The following ZNF90 variants were observed in gnomAD, a reference collection of about 807,000 sequenced individuals.
ZNF90 encodes the protein zinc finger protein HTF9.
A neutral mutation model predicts 12.0 loss-of-function variants in ZNF90; 11 were observed. That is an observed-to-expected ratio of 0.92 (90% CI 0.58 to 1.52). The LOEUF (loss-of-function observed/expected upper bound fraction) is 1.52. Among genes scored for constraint, ZNF90 ranks in the 40% most tolerant of loss-of-function variants. The pLI, the probability that ZNF90 is intolerant of heterozygous loss-of-function variation, is 0.00. For missense variants in ZNF90, 765 were observed against 711.5 expected (o/e 1.08, Z -0.86); for synonymous variants, 232 against 240.1 (o/e 0.97, Z 0.31).
At chr19:20,108,443 G>A (rs1342862648) in intron 3 of ZNF90, among the ~76,000 whole-genome samples, 2 of 152,118 alleles carry the variant, frequency 1.3e-5, no homozygotes, top group African/African-American at 4.8e-5. Context: ...CCAAATAGCT[G>A]TTATTACAGG....
Position 20,116,850 on chromosome 19 carries a change from T to C in ZNF90, c.227-931T>C, listed in dbSNP as rs531106372. ...CTCTAACATTTATCTTTAGACTCAG[T>C]AGACTCAAACTGTCATTCCAATGTA... On this transcript the variant is annotated intron_variant, in intron 3 of 3. Transcript: ENST00000418063. Among the ~76,000 whole-genome samples, 27 of 152,202 alleles carry C rather than the reference T, an allele frequency of 1.8e-4. No homozygotes were observed. The South Asian group carries it at 5.4e-3, about 30-fold the overall frequency.
At chr19:20,104,444 A>G in intron 2 of ZNF90, 79 bp downstream of exon 2, 1 of 1,492,186 alleles carries the variant, frequency 6.7e-7, no homozygotes, top group Non-Finnish European at 9.0e-7. Flanking sequence ...GATTTTTAGT[A>G]ATGTATTGTT....
chr19:20,089,546 G>A (rs1030175886), intron 1 of ZNF90, among the ~76,000 whole-genome samples: 9 of 152,162 alleles, frequency 5.9e-5, no homozygotes, highest in East Asian at 3.9e-4. Context: ...GGGTCTTTGC[G>A]GAGAGATACA....
chr19:20,117,378 C>CTTTCT lies in ZNF90; in HGVS notation c.227-387_227-383dup, dbSNP rs148304116. Among the ~76,000 whole-genome samples the CTTTCT allele has an allele frequency of 1.7e-3, 239 of 136,850 alleles. 3 individuals carry two copies. Among genetic ancestry groups the CTTTCT allele is most frequent in the African/African-American group, 5.3e-3 (180 of 33,994 alleles). The allele number at this position is 136,850 out of a possible 152,430, so 89.8% of individuals were successfully genotyped here. On this transcript the variant is annotated intron_variant, in intron 3 of 3. Coordinates refer to ENST00000418063, the MANE Select transcript of ZNF90 (RefSeq NM_007138.2). ...TGTTTCGTTTCTTTTCTTTTTTTTC[C>CTTTCT]TTTCTTTTCTTTTCTTTTCTCCTTC... is the stretch of plus-strand genomic sequence containing the variant.
intron 3 of ZNF90, 85 bp from the exon 4 acceptor site, chr19:20,117,696 G>A (rs1382368103): frequency 7.0e-7 from 1 of 1,420,132 alleles, no homozygotes; most frequent in Non-Finnish European, 9.2e-7. Context: ...TTTTGCCCAA[G>A]ATGAGGTTAA....
At chr19:20,108,881 C>A (rs1274747833) in intron 3 of ZNF90, among the ~76,000 whole-genome samples, 1 of 151,870 alleles carries the variant, frequency 6.6e-6, no homozygotes, top group Non-Finnish European at 1.5e-5. Flanking sequence ...CGTGCCACCA[C>A]AACTGGCTAA....
intron 1 of ZNF90, among the ~76,000 whole-genome samples, chr19:20,091,767 T>C (rs1468497564): frequency 6.6e-6 from 1 of 152,238 alleles, no homozygotes; most frequent in Non-Finnish European, 1.5e-5. Flanking sequence ...TCAGCCCATA[T>C]GACTGCATGG....
chr19:20,089,664 C>T lies in ZNF90; in HGVS notation c.3+11529C>T, dbSNP rs180798709. Among the ~76,000 whole-genome samples, 138 of 152,144 alleles carry T rather than the reference C, an allele frequency of 9.1e-4. 3 individuals are homozygous for T. In the East Asian group the frequency reaches 0.025, roughly 27 times the overall value. ...TTTTTTAAATAAGTGCGAAGGAGGG[C>T]GGCAGCTTGCTGATGTGAAATGTCT... On this transcript the variant is annotated intron_variant, in intron 1 of 3. Transcript: ENST00000418063.
intron 1 of ZNF90, among the ~76,000 whole-genome samples, chr19:20,104,037 T>C (rs2089010459): frequency 6.6e-6 from 1 of 152,244 alleles, no homozygotes; most frequent in African/African-American, 2.4e-5. Flanking sequence ...GAACTGATGT[T>C]GTGGATCCTA....
At chr19:20,094,695 A>G (rs2088928995) in intron 1 of ZNF90, among the ~76,000 whole-genome samples, 1 of 152,174 alleles carries the variant, frequency 6.6e-6, no homozygotes, top group African/African-American at 2.4e-5. Context: ...ACTCTTTCCC[A>G]TTCATCTGGG....
chr19:20,106,208 T>G (rs1374947893), intron 3 of ZNF90, among the ~76,000 whole-genome samples: 1 of 152,036 alleles, frequency 6.6e-6, no homozygotes, highest in Admixed American at 6.5e-5. Flanking sequence ...AATTTTATGT[T>G]TTGCTAATTT....
chr19:20,106,241 C>T (rs2089036782), intron 3 of ZNF90, among the ~76,000 whole-genome samples: 1 of 151,744 alleles, frequency 6.6e-6, no homozygotes, highest in Non-Finnish European at 1.5e-5. Flanking sequence ...TTATTTGAGA[C>T]AGTTTTTACT....
intron 3 of ZNF90, among the ~76,000 whole-genome samples, chr19:20,117,058 A>T (rs1376098746): frequency 2.2e-5 from 3 of 136,354 alleles, no homozygotes; most frequent in African/African-American, 1.0e-4. Flanking sequence ...AGAGAGAGAG[A>T]GAGAGACAGA....
intron 1 of ZNF90, among the ~76,000 whole-genome samples, chr19:20,079,306 G>GTTTT (rs34761787): frequency 7.4e-6 from 1 of 135,944 alleles, no homozygotes; most frequent in African/African-American, 2.6e-5. Context: ...CAAAAGGAGG[G>GTTTT]TTTTTTTTTT....
At chr19:20,081,769 CTTT>C (rs200678868) in intron 1 of ZNF90, among the ~76,000 whole-genome samples, 3 of 139,374 alleles carry the variant, frequency 2.2e-5, no homozygotes, top group Non-Finnish European at 4.6e-5. Flanking sequence ...TTTCTTTCTT[CTTT>C]TTTTTTTTTT....
chr19:20,114,760 G>T (rs1451398339), intron 3 of ZNF90, among the ~76,000 whole-genome samples: 2 of 152,060 alleles, frequency 1.3e-5, no homozygotes, highest in African/African-American at 4.8e-5. Context: ...ATGTTGTTGA[G>T]GAGTGTTCTC....
chr19:20,085,917 G>C (rs182251122), intron 1 of ZNF90, among the ~76,000 whole-genome samples: 3 of 152,192 alleles, frequency 2.0e-5, no homozygotes, highest in African/African-American at 7.2e-5. Flanking sequence ...CCTTTAGACA[G>C]ATTTGTTTAG....
chr19:20,112,038 T>C lies in ZNF90; in HGVS notation c.227-5743T>C, dbSNP rs2089093919. 2.0e-5 allele frequency among the ~76,000 whole-genome samples: 3 copies of C among 151,994 alleles called. No individual in the cohort carries two copies. In the South Asian group the frequency reaches 6.2e-4, roughly 32 times the overall value. On this transcript the variant is annotated intron_variant, in intron 3 of 3. Coordinates refer to ENST00000418063, the MANE Select transcript of ZNF90 (RefSeq NM_007138.2). Reference sequence around the variant, plus strand: ...CATGCCCGCCTAATTTTTGTATTTTTAGTAGAGAGAGCGTTTCACAATGTT... The same window carrying C: ...CATGCCCGCCTAATTTTTGTATTTTCAGTAGAGAGAGCGTTTCACAATGTT...
At chr19:20,095,737 C>A (rs1237711498) in intron 1 of ZNF90, among the ~76,000 whole-genome samples, 2 of 151,968 alleles carry the variant, frequency 1.3e-5, no homozygotes, top group African/African-American at 4.8e-5. Context: ...TTCTTGCCCC[C>A]TAGAAAAGTG....
Sources: allele counts gnomAD v4.1 joint callset (sites outside exome capture counted in the v4.1 genomes callset), GRCh38; gene constraint gnomAD v4.1.1; transcripts MANE v1.5; gene names NCBI Gene and HGNC (gene_info 2026-07-23, HGNC 2026-07-21).